ZC3H4: variants seen among roughly 807,000 people sequenced by gnomAD.
The protein encoded by ZC3H4 is zinc finger CCCH-type containing 4, also known as zinc finger CCCH domain-containing protein 4.
A neutral mutation model predicts 108.3 loss-of-function variants in ZC3H4; 13 were observed. The ratio of observed to expected loss-of-function variants is 0.12; its 90% CI spans 0.08 to 0.19. The LOEUF (loss-of-function observed/expected upper bound fraction) is 0.19. Among genes scored for constraint, ZC3H4 ranks in the 10% least tolerant of loss-of-function variants. The pLI, the probability that ZC3H4 is intolerant of heterozygous loss-of-function variation, is 1.00. For missense variants in ZC3H4, 1,734 were observed against 1,838.8 expected, an observed-to-expected ratio of 0.94 and a Z score of 1.04; for synonymous variants, 917 against 749.6, an observed-to-expected ratio of 1.22 and a Z score of -3.65.
chr19:47,079,129 A>C (rs1600025427), intron 11 of ZC3H4, among the ~76,000 whole-genome samples: 1 of 148,332 alleles, frequency 6.7e-6, no homozygotes, highest in Non-Finnish European at 1.5e-5. Context: ...TCCCGGGTTC[A>C]AGCGATTCTC....
chr19:47,077,639 T>A (rs2057446727), intron 11 of ZC3H4, among the ~76,000 whole-genome samples: 1 of 152,106 alleles, frequency 6.6e-6, no homozygotes, highest in Admixed American at 6.6e-5. Context: ...GTGGATCACC[T>A]GAGGTTGGGA....
At chr19:47,111,058 G>A (rs2058032563) in intron 2 of ZC3H4, 1 of 329,062 alleles carries the variant, frequency 3.0e-6, no homozygotes, top group Non-Finnish European at 4.3e-6. Flanking sequence ...GGCTAAGGAA[G>A]GGTCCTCAGC....
At chr19:47,081,136 C>T (rs137978261) in intron 11 of ZC3H4, among the ~76,000 whole-genome samples, 185 of 152,256 alleles carry the variant, frequency 1.2e-3, no homozygotes, top group African/African-American at 4.1e-3. Flanking sequence ...CTGAGCTCAA[C>T]TGATCCTCCT....
At chr19:47,079,283 C>A (rs2057478025) in intron 11 of ZC3H4, among the ~76,000 whole-genome samples, 2 of 151,548 alleles carry the variant, frequency 1.3e-5, no homozygotes, top group South Asian at 4.2e-4. Context: ...TCTGCCTCGG[C>A]ATCCCACAGT....
intron 11 of ZC3H4, among the ~76,000 whole-genome samples, chr19:47,073,767 G>T (rs1301382765): frequency 6.6e-6 from 1 of 152,188 alleles, no homozygotes; most frequent in African/African-American, 2.4e-5. Context: ...CTGCGGACCT[G>T]CCCCTGCTGG....
intron 13 of ZC3H4, among the ~76,000 whole-genome samples, chr19:47,070,275 A>C (rs534660594): frequency 1.1e-4 from 17 of 152,174 alleles, no homozygotes; most frequent in Non-Finnish European, 2.4e-4. Flanking sequence ...AGAAAAGTGC[A>C]CTTGTAACTT....
chr19:47,106,898 C>A lies in ZC3H4; in HGVS notation c.161+5526G>T, dbSNP rs183906860. On this transcript the variant is annotated intron_variant, in intron 2 of 14. Transcript: ENST00000253048. ...GGAGCTGGATGAGACCTTGTTCATT[C>A]CCCTCTGGAGAGAGTAAAGGACTTG... is the stretch of plus-strand genomic sequence containing the variant. Among the ~76,000 whole-genome samples the A allele has an allele frequency of 4.6e-5, 7 of 152,266 alleles. No homozygotes were observed. In the East Asian group the frequency reaches 9.7e-4, roughly 21 times the overall value.
At chr19:47,081,488 G>C (rs373445222) in intron 11 of ZC3H4, 25 bp downstream of exon 11, 1 of 1,607,182 alleles carries the variant, frequency 6.2e-7, no homozygotes, top group Non-Finnish European at 8.5e-7. Flanking sequence ...CTGTAGCCGG[G>C]GGCCCCGTTA....
At position 47,112,457 on chromosome 19, in the gene ZC3H4, A is replaced by T. The variant is rs2058052709; in HGVS notation, c.128T>A (p.Leu43His). The change falls in exon 2 of 15, where the codon CTC (leucine) becomes CAC (histidine). Residue 43 changes from leucine (L) to histidine (H), a missense_variant. By Grantham distance (99) the Leu-to-His change is moderately conservative (BLOSUM62 -3). Around this residue, in one of 9 missense-constraint regions of ZC3H4, gnomAD observed 112 missense variants for 73.3 expected, o/e 1.53. Coordinates refer to ENST00000253048, the MANE Select transcript of ZC3H4 (RefSeq NM_015168.2). ...AGGGAGCGGGAGGCGGTGGTGGAGG[A>T]GGTGCGGGGTGGCCGGGCGGGCGTC... ...SPDARPATPH[L>H]LHHRLPLPDD... 3.4e-6 allele frequency: 4 copies of T among 1,181,964 alleles called. No homozygotes were observed. Among genetic ancestry groups the T allele is most frequent in the South Asian group, 8.5e-5 (2 of 23,650 alleles). 73.2% of individuals were successfully genotyped at this position (1,181,964 alleles called of 1,614,324 possible).
At chr19:47,112,078 G>T in intron 2 of ZC3H4, 2 of 1,003,482 alleles carry the variant, frequency 2.0e-6, no homozygotes, top group Non-Finnish European at 1.2e-6. Flanking sequence ...GGTCTCCGCA[G>T]CACCCCCCAC....
At chr19:47,086,737 C>T (rs2057635609) in intron 5 of ZC3H4, among the ~76,000 whole-genome samples, 199 bp from the exon 6 acceptor site, 1 of 152,214 alleles carries the variant, frequency 6.6e-6, no homozygotes, top group Non-Finnish European at 1.5e-5. Context: ...GGGGGTCCCT[C>T]AGCACCCCAG....
In ZC3H4 at chr19:47,109,938, T is replaced by C. The variant is rs1423659894; in HGVS notation, c.161+2486A>G. On this transcript the variant is annotated intron_variant, in intron 2 of 14. Coordinates refer to ENST00000253048, the MANE Select transcript of ZC3H4 (RefSeq NM_015168.2). Reference sequence around the variant, plus strand: ...CATTTCTGTTGTTGTTTTTTCCTTGTTACGTGGAGGCCGGGGGGACTGGGG... The same window carrying C: ...CATTTCTGTTGTTGTTTTTTCCTTGCTACGTGGAGGCCGGGGGGACTGGGG... Among the ~76,000 whole-genome samples, 3 of 152,162 alleles carry C rather than the reference T, an allele frequency of 2.0e-5. No homozygotes were observed. The South Asian group carries it at 6.2e-4, about 31-fold the overall frequency.
intron 2 of ZC3H4, among the ~76,000 whole-genome samples, chr19:47,109,305 T>C (rs2058006933): frequency 6.6e-6 from 1 of 152,248 alleles, no homozygotes; most frequent in Non-Finnish European, 1.5e-5. Context: ...GTGAGCTTTT[T>C]AAATGCTTGG....
chr19:47,099,255 T>C (rs927519052), intron 2 of ZC3H4, among the ~76,000 whole-genome samples: 1 of 150,494 alleles, frequency 6.6e-6, no homozygotes, highest in African/African-American at 2.4e-5. Flanking sequence ...AGGTCGGGAG[T>C]TCAAGACCAG....
chr19:47,092,491 G>A (rs1316518498), intron 4 of ZC3H4, among the ~76,000 whole-genome samples: 1 of 152,176 alleles, frequency 6.6e-6, no homozygotes, highest in Admixed American at 6.5e-5. Context: ...TGGGATACCT[G>A]GGACAGCTTT....
chr19:47,088,908 C>A (rs2057680343), intron 5 of ZC3H4, among the ~76,000 whole-genome samples: 1 of 152,082 alleles, frequency 6.6e-6, no homozygotes, highest in Admixed American at 6.6e-5. Context: ...CCAAGAAAGA[C>A]TGCTAGAAGA....
At chr19:47,073,601 T>C (rs916663257) in intron 11 of ZC3H4, among the ~76,000 whole-genome samples, 1 of 152,126 alleles carries the variant, frequency 6.6e-6, no homozygotes, top group African/African-American at 2.4e-5. Context: ...AAGTGAACGA[T>C]GCAGTGGCAT....
intron 7 of ZC3H4, 41 bp from the exon 8 acceptor site, chr19:47,085,236 C>G: frequency 6.3e-7 from 1 of 1,579,100 alleles, no homozygotes; most frequent in Non-Finnish European, 8.6e-7. Flanking sequence ...TGACCACCCC[C>G]TCCCCCACCC....
chr19:47,096,974 T>C (rs1190933220), intron 2 of ZC3H4: 1 of 985,292 alleles, frequency 1.0e-6, no homozygotes. Context: ...CCTCCTTCCC[T>C]GTCCTGATGC....
Sources: allele counts gnomAD v4.1 joint callset (sites outside exome capture counted in the v4.1 genomes callset), GRCh38; gene constraint gnomAD v4.1.1; regional missense constraint gnomAD v4.1.1; transcripts MANE v1.5; gene names NCBI Gene and HGNC (gene_info 2026-07-23, HGNC 2026-07-21).